Variants in ERC2 observed in about 807,000 individuals in gnomAD.
ERC2 encodes ELKS/RAB6-interacting/CAST family member 2, also known as ERC protein 2.
ERC2 carries 42 observed loss-of-function variants against 114.8 expected under a neutral mutation model. That is an observed-to-expected ratio of 0.37 (90% CI 0.29 to 0.47). The LOEUF (loss-of-function observed/expected upper bound fraction) is 0.47, where lower values mean the gene tolerates loss of function less well. Among genes scored for constraint, ERC2 ranks in the 20% least tolerant of loss-of-function variants. The pLI, the probability that ERC2 is intolerant of heterozygous loss-of-function variation, is 0.99. For synonymous variants in ERC2, 454 were observed against 425.5 expected, an observed-to-expected ratio of 1.07 and a Z score of -0.82; for missense variants, 939 against 1,150.7, an observed-to-expected ratio of 0.82 and a Z score of 2.66.
At chr3:56,001,518 A>C (rs1259790898) in intron 10 of ERC2, among the ~76,000 whole-genome samples, 2 of 152,132 alleles carry the variant, frequency 1.3e-5, no homozygotes, top group Non-Finnish European at 2.9e-5. Context: ...TAACTTGAGG[A>C]GAAAAGTCAG....
intron 16 of ERC2, among the ~76,000 whole-genome samples, chr3:55,686,875 C>G (rs1421615891): frequency 6.6e-6 from 1 of 152,144 alleles, no homozygotes; most frequent in East Asian, 1.9e-4. Flanking sequence ...AAGAAAGACT[C>G]TAGTCCATCA....
intron 13 of ERC2, among the ~76,000 whole-genome samples, chr3:55,912,282 G>T (rs1401661078): frequency 1.3e-5 from 2 of 152,154 alleles, no homozygotes; most frequent in African/African-American, 4.8e-5. Context: ...CTTGATGGTT[G>T]CCAGTGCGAG....
At chr3:56,207,508 A>C (rs1213514658) in intron 3 of ERC2, among the ~76,000 whole-genome samples, 2 of 152,262 alleles carry the variant, frequency 1.3e-5, no homozygotes, top group African/African-American at 2.4e-5. Context: ...ATATATTGAG[A>C]TATTTCCCAT....
intron 14 of ERC2, among the ~76,000 whole-genome samples, chr3:55,819,161 G>A (rs1460486954): frequency 6.6e-6 from 1 of 152,132 alleles, no homozygotes; most frequent in African/African-American, 2.4e-5. Flanking sequence ...TTCTTTCAAT[G>A]GTCCTGGGAA....
chr3:56,169,993 A>G (rs1575666634), intron 4 of ERC2, among the ~76,000 whole-genome samples: 3 of 152,342 alleles, frequency 2.0e-5, no homozygotes, highest in East Asian at 3.9e-4. Context: ...ACAGTTATCC[A>G]CAAGAGCAGA....
intron 10 of ERC2, among the ~76,000 whole-genome samples, chr3:56,005,660 C>T (rs955788916): frequency 9.2e-5 from 14 of 152,012 alleles, no homozygotes; most frequent in African/African-American, 3.4e-4. Flanking sequence ...GGACATCTTT[C>T]ATGCCCAGGT....
At position 55,975,667 on chromosome 3, in the gene ERC2, A is replaced by T. The variant is rs58336662; in HGVS notation, c.2267+10310T>A. Among the ~76,000 whole-genome samples the T allele has an allele frequency of 6.0e-4, 92 of 152,310 alleles. No individual in the cohort carries two copies. In the East Asian group the frequency reaches 0.016, roughly 27 times the overall value. On this transcript the variant is annotated intron_variant, in intron 12 of 17. Transcript: ENST00000288221. ...GGTTCAGGATTAATCCTCCCAGAAG[A>T]TACTCCTCGTTATGTTCATCCCAGG...
chr3:56,415,406 C>T (rs1344129143), intron 2 of ERC2, among the ~76,000 whole-genome samples: 1 of 152,018 alleles, frequency 6.6e-6, no homozygotes, highest in African/African-American at 2.4e-5. Context: ...ATTTTTCTTC[C>T]TAAAATAATT....
At chr3:55,722,265 CT>C (rs2064613702) in intron 15 of ERC2, among the ~76,000 whole-genome samples, 1 of 151,998 alleles carries the variant, frequency 6.6e-6, no homozygotes, top group Non-Finnish European at 1.5e-5. Context: ...CATCTAAACA[CT>C]AGTGTTGTGG....
At chr3:55,511,458 A>G (rs1157890977) in intron 17 of ERC2, among the ~76,000 whole-genome samples, 182 bp from the exon 18 acceptor site, 1 of 152,204 alleles carries the variant, frequency 6.6e-6, no homozygotes, top group Non-Finnish European at 1.5e-5. Flanking sequence ...GGACAAAGGA[A>G]ACAGAAAGAT....
rs576584000 is a variant in ERC2, at chr3:55,791,711, T to A, written c.2565-56793A>T. Among the ~76,000 whole-genome samples the A allele has an allele frequency of 7.9e-5, 12 of 152,318 alleles. No individual in the cohort carries two copies. The South Asian group carries it at 2.5e-3, about 32-fold the overall frequency. ...AGAGTGTAGTCAAAAACAGTGAAATTCTTATTTGTGGTCAATACTGAATGA... is the reference window on the plus strand; with the variant it reads ...AGAGTGTAGTCAAAAACAGTGAAATACTTATTTGTGGTCAATACTGAATGA... On this transcript the variant is annotated intron_variant, in intron 14 of 17. Transcript: ENST00000288221.
intron 2 of ERC2, among the ~76,000 whole-genome samples, chr3:56,349,166 G>C (rs1009283123): frequency 2.0e-5 from 3 of 152,296 alleles, no homozygotes; most frequent in South Asian, 2.1e-4. Flanking sequence ...TTACAGAACA[G>C]TTTGTTCTGG....
chr3:56,220,643 C>T (rs1403507979), intron 3 of ERC2, among the ~76,000 whole-genome samples: 1 of 152,232 alleles, frequency 6.6e-6, no homozygotes, highest in Non-Finnish European at 1.5e-5. Context: ...GCTGGCTCCA[C>T]TGCAATTGTC....
intron 9 of ERC2, among the ~76,000 whole-genome samples, chr3:56,009,029 C>T (rs2072715005): frequency 6.6e-6 from 1 of 152,184 alleles, no homozygotes; most frequent in Non-Finnish European, 1.5e-5. Flanking sequence ...GTGCCAAGCA[C>T]ATCATGCAGA....
chr3:56,114,176 G>A (rs113712547), intron 6 of ERC2, among the ~76,000 whole-genome samples: 8 of 152,308 alleles, frequency 5.3e-5, no homozygotes, highest in South Asian at 2.1e-4. Context: ...AAACATGCAC[G>A]TTACATACAT....
intron 3 of ERC2, among the ~76,000 whole-genome samples, chr3:56,197,114 C>G (rs1320479853): frequency 6.6e-6 from 1 of 152,148 alleles, no homozygotes; most frequent in Non-Finnish European, 1.5e-5. Flanking sequence ...CAGGCATGAT[C>G]CTAAGAAATA....
At chr3:55,638,821 A>G (rs2148648638) in intron 17 of ERC2, among the ~76,000 whole-genome samples, 1 of 152,306 alleles carries the variant, frequency 6.6e-6, no homozygotes, top group African/African-American at 2.4e-5. Flanking sequence ...AACTTTACGC[A>G]TTGTTCTTTA....
chr3:55,603,487 C>A (rs1241581031), intron 17 of ERC2, among the ~76,000 whole-genome samples: 3 of 151,890 alleles, frequency 2.0e-5, no homozygotes, highest in Admixed American at 6.6e-5. Flanking sequence ...AAAAAATTAG[C>A]CAGGCGTGGT....
intron 9 of ERC2, among the ~76,000 whole-genome samples, chr3:56,009,485 T>C (rs186541552): frequency 6.6e-6 from 1 of 152,326 alleles, no homozygotes; most frequent in East Asian, 1.9e-4. Context: ...AGGACTTTAG[T>C]TTGTGTGGAA....
Sources: gnomAD v4.1 joint callset for allele counts (sites outside exome capture counted in the v4.1 genomes callset) on GRCh38, gnomAD v4.1.1 for gene constraint, MANE v1.5 for transcripts, NCBI Gene and HGNC (gene_info 2026-07-23, HGNC 2026-07-21) for gene names.